ROBO1: variants seen among roughly 807,000 people sequenced by gnomAD.
ROBO1 encodes the protein roundabout homolog 1.
ROBO1 carries 149 observed loss-of-function variants against 195.9 expected under a neutral mutation model. The ratio of observed to expected loss-of-function variants is 0.76; its 90% CI spans 0.67 to 0.87. The LOEUF is 0.87. Ranked by LOEUF, ROBO1 falls within the 40% of genes least tolerant of loss-of-function variation. The pLI is 0.00. For synonymous variants in ROBO1, 816 were observed against 733.2 expected, an observed-to-expected ratio of 1.11 and a Z score of -1.82; for missense variants, 1,933 against 2,068.3, an observed-to-expected ratio of 0.93 and a Z score of 1.27.
chr3:78,758,589 G>C (rs1470792817), intron 4 of ROBO1, among the ~76,000 whole-genome samples: 1 of 145,052 alleles, frequency 6.9e-6, no homozygotes, highest in Non-Finnish European at 1.5e-5. Flanking sequence ...AAAAAATATT[G>C]AACATGGCAA....
Position 78,677,562 on chromosome 3 carries a change from C to G in ROBO1, c.1343-7261G>C, listed in dbSNP as rs376222285. On this transcript the variant is annotated intron_variant, in intron 10 of 30. Coordinates refer to ENST00000464233, the MANE Select transcript of ROBO1 (RefSeq NM_002941.4). ...AAACAGACTTTAAACCAACAAAGAT[C>G]AAAAGAGACAAAGAAGGCCATTACA... is the stretch of plus-strand genomic sequence containing the variant. Among the ~76,000 whole-genome samples, 12 of 151,582 alleles carry G rather than the reference C, an allele frequency of 7.9e-5. No homozygotes were observed. In the East Asian group the frequency reaches 9.7e-4, roughly 12 times the overall value.
At chr3:79,384,209 T>C (rs1303126990) in intron 2 of ROBO1, among the ~76,000 whole-genome samples, 1 of 152,034 alleles carries the variant, frequency 6.6e-6, no homozygotes, top group African/African-American at 2.4e-5. Context: ...TTAAAGTTGA[T>C]ACTATATTCT....
At chr3:78,774,788 A>T (rs2083464362) in intron 4 of ROBO1, among the ~76,000 whole-genome samples, 1 of 152,042 alleles carries the variant, frequency 6.6e-6, no homozygotes, top group Admixed American at 6.6e-5. Context: ...CTCTAATGTG[A>T]CTCTATTTAC....
chr3:79,746,721 G>T (rs963660050), intron 1 of ROBO1, among the ~76,000 whole-genome samples: 2 of 151,914 alleles, frequency 1.3e-5, no homozygotes, highest in African/African-American at 2.4e-5. Flanking sequence ...TAAGTTTTAT[G>T]TCACAAATAA....
At position 78,746,839 on chromosome 3, in the gene ROBO1, T is replaced by C; in HGVS notation, c.561A>G (p.Ala187=). The stretch of plus-strand genomic sequence containing the variant: ...CTCGTGGAGGTTGGCATTCCATTAC[T>C]GCAGGCTCTCCTACTGCAACCATGA... The part of the protein sequence containing the change: ...SDVMVAVGEP[A]VMECQPPRGH... Residue 187 remains alanine (A), a synonymous_variant, in exon 5 of 31, where the codon GCA becomes GCG. Coordinates refer to ENST00000464233, the MANE Select transcript of ROBO1 (RefSeq NM_002941.4). 1.3e-6 allele frequency: 2 copies of C among 1,599,402 alleles called. No homozygotes were observed. Among genetic ancestry groups the C allele is most frequent in the Non-Finnish European group, 1.7e-6 (2 of 1,169,568 alleles).
intron 2 of ROBO1, among the ~76,000 whole-genome samples, chr3:79,325,431 T>G (rs1576977803): frequency 6.6e-6 from 1 of 152,170 alleles, no homozygotes; most frequent in Admixed American, 6.5e-5. Context: ...ATGTATCAAA[T>G]CTTTTCTGCA....
chr3:79,563,179 T>C (rs918978350), intron 2 of ROBO1, among the ~76,000 whole-genome samples: 1 of 152,052 alleles, frequency 6.6e-6, no homozygotes, highest in Non-Finnish European at 1.5e-5. Flanking sequence ...ATTTGTTTTG[T>C]CCTATTGCAA....
At chr3:79,573,606 G>C (rs920100206) in intron 2 of ROBO1, among the ~76,000 whole-genome samples, 2 of 152,106 alleles carry the variant, frequency 1.3e-5, no homozygotes, top group African/African-American at 4.8e-5. Flanking sequence ...CCACAAAGTA[G>C]TTCTTTAATT....
At chr3:79,432,177 C>A (rs1218910422) in intron 2 of ROBO1, among the ~76,000 whole-genome samples, 1 of 152,026 alleles carries the variant, frequency 6.6e-6, no homozygotes, top group Non-Finnish European at 1.5e-5. Context: ...AATCTGAACT[C>A]CTTAATGCCA....
chr3:79,469,248 C>G (rs939498309), intron 2 of ROBO1, among the ~76,000 whole-genome samples: 1 of 151,936 alleles, frequency 6.6e-6, no homozygotes, highest in African/African-American at 2.4e-5. Context: ...ATTATAGAAT[C>G]AGAAAATTAA....
At chr3:79,412,545 T>C (rs2106866779) in intron 2 of ROBO1, among the ~76,000 whole-genome samples, 1 of 152,222 alleles carries the variant, frequency 6.6e-6, no homozygotes, top group South Asian at 2.1e-4. Context: ...ATCCCACTTG[T>C]TCACAGAGCT....
intron 26 of ROBO1, among the ~76,000 whole-genome samples, chr3:78,626,610 CA>C (rs1704796804): frequency 6.6e-6 from 1 of 151,962 alleles, no homozygotes; most frequent in African/African-American, 2.4e-5. Context: ...AAATCATCAA[CA>C]ATGAGAGAAG....
At chr3:79,208,640 G>C (rs2081913899) in intron 2 of ROBO1, among the ~76,000 whole-genome samples, 1 of 151,934 alleles carries the variant, frequency 6.6e-6, no homozygotes, top group South Asian at 2.1e-4. Flanking sequence ...GTAAGCAAGG[G>C]TTTGCAAGAA....
At chr3:79,164,712 T>C (rs551592992) in intron 2 of ROBO1, among the ~76,000 whole-genome samples, 1 of 152,286 alleles carries the variant, frequency 6.6e-6, no homozygotes, top group South Asian at 2.1e-4. Flanking sequence ...GTAATTTTTG[T>C]AGCAGCCTAC....
At chr3:79,734,917 T>C (rs1194903435) in intron 1 of ROBO1, among the ~76,000 whole-genome samples, 2 of 152,220 alleles carry the variant, frequency 1.3e-5, no homozygotes, top group Admixed American at 1.3e-4. Context: ...GGATGCTACC[T>C]GGTTATTGAA....
At chr3:79,539,519 A>G (rs1464189267) in intron 2 of ROBO1, among the ~76,000 whole-genome samples, 1 of 152,108 alleles carries the variant, frequency 6.6e-6, no homozygotes, top group Non-Finnish European at 1.5e-5. Context: ...TTTCAATTAT[A>G]TATATTGAAA....
At chr3:79,314,073 G>T (rs1405057824) in intron 2 of ROBO1, among the ~76,000 whole-genome samples, 2 of 152,162 alleles carry the variant, frequency 1.3e-5, no homozygotes, top group Non-Finnish European at 2.9e-5. Context: ...ACACTATAGA[G>T]ATTGTCCTTC....
intron 3 of ROBO1, among the ~76,000 whole-genome samples, chr3:79,122,360 A>G (rs186707030): frequency 4.6e-5 from 7 of 152,186 alleles, no homozygotes; most frequent in Admixed American, 2.6e-4. Context: ...TTGATTTGTA[A>G]GAGTGAAACT....
In ROBO1 at chr3:78,916,898, CGAGT is replaced by C. The variant is rs1378585376; in HGVS notation, c.499+21699_499+21702del. Among the ~76,000 whole-genome samples the C allele has an allele frequency of 3.9e-5, 6 of 152,148 alleles. No homozygotes were observed. The East Asian group carries it at 5.8e-4, about 15-fold the overall frequency. On this transcript the variant is annotated intron_variant, in intron 4 of 30. Transcript: ENST00000464233. Reference sequence around the variant, plus strand: ...AACTGTCATAACCATCTTCTTTGAACGAGTGAGACCAGGAAAACTTTCACCCACA... The same window carrying C: ...AACTGTCATAACCATCTTCTTTGAACGAGACCAGGAAAACTTTCACCCACA...
Sources: gnomAD v4.1 joint callset for allele counts (sites outside exome capture counted in the v4.1 genomes callset) on GRCh38, gnomAD v4.1.1 for gene constraint, MANE v1.5 for transcripts, NCBI Gene and HGNC (gene_info 2026-07-23, HGNC 2026-07-21) for gene names.